Variants in IQCM observed in about 807,000 individuals in gnomAD.
The protein encoded by IQCM is IQ motif containing M.
Under a neutral mutation model 57.6 loss-of-function variants are expected in IQCM, and 45 were observed. The ratio of observed to expected loss-of-function variants is 0.78; its 90% CI spans 0.62 to 1.00. The LOEUF (loss-of-function observed/expected upper bound fraction) is 1.00. IQCM is among the 50% of genes least tolerant of loss of function. The probability of loss-of-function intolerance (pLI) is 0.00; values close to 1 mark genes in which losing one functional copy is unlikely to be tolerated. For missense variants in IQCM, 468 were observed against 511.6 expected, an observed-to-expected ratio of 0.91 and a Z score of 0.82; for synonymous variants, 148 against 158.9, an observed-to-expected ratio of 0.93 and a Z score of 0.51.
At chr4:149,391,965 T>C (rs181193995) in intron 13 of IQCM, among the ~76,000 whole-genome samples, 1 of 152,114 alleles carries the variant, frequency 6.6e-6, no homozygotes, top group East Asian at 1.9e-4. Context: ...TTGGCTGCTT[T>C]GCTCTCTAGA....
In IQCM at chr4:149,563,675, T is replaced by A; in HGVS notation, c.948+17A>T. ...GAGAAATTTTAAACACATTATAATA[T>A]CTGATGGATATCTTACCTTGGTCAT... On this transcript the variant is annotated intron_variant, in intron 10 of 13. Transcript: ENST00000636793. 1 of 1,224,888 alleles carries A rather than the reference T, an allele frequency of 8.2e-7. No individual in the cohort carries two copies. Among genetic ancestry groups the A allele is most frequent in the Non-Finnish European group, 1.0e-6 (1 of 981,422 alleles). The allele number at this position is 1,224,888 out of a possible 1,614,324, so 75.9% of individuals were successfully genotyped here.
At chr4:149,513,085 TAGC>T (rs1313602237) in intron 12 of IQCM, among the ~76,000 whole-genome samples, 2 of 152,174 alleles carry the variant, frequency 1.3e-5, no homozygotes, top group African/African-American at 4.8e-5. Flanking sequence ...AGCCTAAAGT[TAGC>T]AGAGAAAGAA....
chr4:149,682,204 T>C lies in IQCM; in HGVS notation c.479A>G (p.Asn160Ser). ...GGGATAGAGTAATTCCAACATTCTGTTTCTGAAACATTAAGTTGGATCTTT... is the reference window on the plus strand; with the variant it reads ...GGGATAGAGTAATTCCAACATTCTGCTTCTGAAACATTAAGTTGGATCTTT... Reference protein sequence around the residue: ...AKQQHFEESRNRMLELLYPFP... With the variant: ...AKQQHFEESRSRMLELLYPFP... The change falls in exon 7 of 14, where the codon AAC (asparagine) becomes AGC (serine). Residue 160 changes from asparagine to serine, a missense_variant and splice_region_variant. Transcript: ENST00000636793. The C allele has an allele frequency of 1.7e-6, 2 of 1,204,994 alleles. No homozygotes were observed. The highest frequency in any genetic ancestry group is 2.1e-6 in the Non-Finnish European group (2 of 963,952). The allele number at this position is 1,204,994 out of a possible 1,614,324, so 74.6% of individuals were successfully genotyped here.
intron 12 of IQCM, among the ~76,000 whole-genome samples, chr4:149,504,675 A>C (rs1743603047): frequency 6.6e-6 from 1 of 152,148 alleles, no homozygotes; most frequent in South Asian, 2.1e-4. Flanking sequence ...GCATTTTGGG[A>C]AGCCGAGGCA....
At chr4:149,367,746 G>GA (rs1326555216) in intron 13 of IQCM, among the ~76,000 whole-genome samples, 72 of 152,106 alleles carry the variant, frequency 4.7e-4, no homozygotes, top group Non-Finnish European at 1.5e-4. Flanking sequence ...AAAACTCTAT[G>GA]AAAGTCATAT....
In IQCM at chr4:149,487,816, G is replaced by C. The variant is rs185079444; in HGVS notation, c.1229-54259C>G. Reference sequence around the variant, plus strand: ...AGCAGTGCCTCTTCTGGGAGATGGGGGTGAGTGATACTGGCGATTCAAGAC... The same window carrying C: ...AGCAGTGCCTCTTCTGGGAGATGGGCGTGAGTGATACTGGCGATTCAAGAC... On this transcript the variant is annotated intron_variant, in intron 12 of 13. Transcript: ENST00000636793. 2.5e-3 allele frequency among the ~76,000 whole-genome samples: 380 copies of C among 152,164 alleles called. 1 individual carries two copies. Among genetic ancestry groups the C allele is most frequent in the African/African-American group, 8.6e-3 (359 of 41,526 alleles).
At chr4:149,750,381 G>A (rs1768317510) in intron 2 of IQCM, among the ~76,000 whole-genome samples, 1 of 152,110 alleles carries the variant, frequency 6.6e-6, no homozygotes, top group Non-Finnish European at 1.5e-5. Context: ...CGCTTTCCTT[G>A]AACAAAATGT....
intron 12 of IQCM, among the ~76,000 whole-genome samples, chr4:149,449,058 A>G (rs950440718): frequency 1.3e-5 from 2 of 151,608 alleles, no homozygotes; most frequent in African/African-American, 4.8e-5. Flanking sequence ...ACATAGATTT[A>G]AAAATTCTTA....
At chr4:149,652,252 C>G (rs1282619756) in intron 7 of IQCM, among the ~76,000 whole-genome samples, 2 of 151,900 alleles carry the variant, frequency 1.3e-5, no homozygotes, top group African/African-American at 4.8e-5. Flanking sequence ...ACAATGAGAA[C>G]ACATGGACAC....
chr4:149,663,909 G>T (rs1760455281), intron 7 of IQCM, among the ~76,000 whole-genome samples: 1 of 151,994 alleles, frequency 6.6e-6, no homozygotes, highest in Non-Finnish European at 1.5e-5. Context: ...TTATTTAAGA[G>T]GTTTTATGTA....
intron 12 of IQCM, among the ~76,000 whole-genome samples, chr4:149,489,627 C>T (rs1051073828): frequency 1.3e-5 from 2 of 151,846 alleles, no homozygotes; most frequent in Non-Finnish European, 2.9e-5. Context: ...GGCTGTGATA[C>T]AAAAACTATA....
intron 5 of IQCM, among the ~76,000 whole-genome samples, chr4:149,705,627 A>G (rs1185669791): frequency 6.6e-6 from 1 of 151,958 alleles, no homozygotes; most frequent in Non-Finnish European, 1.5e-5. Flanking sequence ...AATAATGAAT[A>G]GCAAAGATTC....
chr4:149,802,279 T>G (rs2150050889), intron 2 of IQCM, among the ~76,000 whole-genome samples: 1 of 151,882 alleles, frequency 6.6e-6, no homozygotes, highest in African/African-American at 2.4e-5. Flanking sequence ...CCCCTTAAAA[T>G]TATCAGGCCA....
At chr4:149,388,539 TATATATAATATATATAATATATTTA>T (rs1731597977) in intron 13 of IQCM, among the ~76,000 whole-genome samples, 2 of 130,562 alleles carry the variant, frequency 1.5e-5, no homozygotes, top group Non-Finnish European at 3.3e-5. Flanking sequence ...TATTATATAT[TATATATAATATATATAATATATTTA>T]TATACATAAA....
chr4:149,573,544 A>C (rs923839709), intron 9 of IQCM, among the ~76,000 whole-genome samples: 1 of 151,936 alleles, frequency 6.6e-6, no homozygotes, highest in African/African-American at 2.4e-5. Context: ...GTAAAGTAAA[A>C]GTTTAATAAT....
chr4:149,473,769 T>TACTATGGA (rs1474121276), intron 12 of IQCM, among the ~76,000 whole-genome samples: 38 of 152,334 alleles, frequency 2.5e-4, no homozygotes, highest in African/African-American at 8.9e-4. Context: ...ATGTGGCATA[T>TACTATGGA]ATACACCATG....
At chr4:149,420,544 T>TG (rs1734053791) in intron 13 of IQCM, among the ~76,000 whole-genome samples, 1 of 151,868 alleles carries the variant, frequency 6.6e-6, no homozygotes, top group Non-Finnish European at 1.5e-5. Context: ...AATACCTAGG[T>TG]GATGGGTTGA....
At chr4:149,594,683 A>G (rs563379465) in intron 8 of IQCM, among the ~76,000 whole-genome samples, 10 of 152,306 alleles carry the variant, frequency 6.6e-5, no homozygotes, top group African/African-American at 2.2e-4. Flanking sequence ...TTCAAAGAAC[A>G]TCTTTATTTC....
rs963601634 is a variant in IQCM, at chr4:149,678,755, C to CA, written c.565+3362dup. Among the ~76,000 whole-genome samples, 11 of 150,476 alleles carry CA rather than the reference C, an allele frequency of 7.3e-5. No individual in the cohort carries two copies. In the East Asian group the frequency reaches 1.4e-3, roughly 19 times the overall value. ...ACCTGTTAAGAGATTGACAATGTTTCAAAAAAAGACATACGAATGGCCAAT... is the reference window on the plus strand; with the variant it reads ...ACCTGTTAAGAGATTGACAATGTTTCAAAAAAAAGACATACGAATGGCCAAT... On this transcript the variant is annotated intron_variant, in intron 7 of 13. Transcript: ENST00000636793.
Sources: gnomAD v4.1 joint callset for allele counts (sites outside exome capture counted in the v4.1 genomes callset) on GRCh38, gnomAD v4.1.1 for gene constraint, MANE v1.5 for transcripts, NCBI Gene and HGNC (gene_info 2026-07-23, HGNC 2026-07-21) for gene names.